The following CNGB3 variants were observed in gnomAD, a reference collection of about 807,000 sequenced individuals.
The protein encoded by CNGB3 is cyclic nucleotide-gated channel beta-3.
Under a neutral mutation model 92.8 loss-of-function variants are expected in CNGB3, and 86 were observed. That is an observed-to-expected ratio of 0.93 (90% CI 0.78 to 1.11). The LOEUF (loss-of-function observed/expected upper bound fraction) is 1.11. Ranked by LOEUF, CNGB3 falls within the 50% of genes least tolerant of loss-of-function variation. CNGB3 has a pLI of 0.00. For missense variants in CNGB3, 1,026 were observed against 956.8 expected, an observed-to-expected ratio of 1.07 and a Z score of -0.95; for synonymous variants, 333 against 332.7, an observed-to-expected ratio of 1.00 and a Z score of -0.01.
intron 13 of CNGB3, among the ~76,000 whole-genome samples, chr8:86,621,012 C>T (rs1822715092): frequency 1.3e-5 from 2 of 152,042 alleles, no homozygotes; most frequent in African/African-American, 2.4e-5. Flanking sequence ...TTATACACAA[C>T]ATTAGCAAGA....
intron 3 of CNGB3, among the ~76,000 whole-genome samples, chr8:86,692,531 T>G (rs1025176524): frequency 6.6e-6 from 1 of 152,220 alleles, no homozygotes; most frequent in African/African-American, 2.4e-5. Flanking sequence ...TTTTGTCTGT[T>G]AGAATAACAG....
intron 4 of CNGB3, among the ~76,000 whole-genome samples, chr8:86,668,492 CA>C (rs992310885): frequency 2.0e-5 from 3 of 151,906 alleles, no homozygotes; most frequent in African/African-American, 7.3e-5. Flanking sequence ...TAAAAAAATC[CA>C]AAAAACTTGA....
At position 86,726,633 on chromosome 8, in the gene CNGB3, G is replaced by A. The variant is rs1312691196; in HGVS notation, c.236C>T (p.Ser79Phe). Residue 79 changes from serine (S) to phenylalanine (F), a missense_variant, in exon 3 of 18, where the codon TCT becomes TTT. Transcript: ENST00000320005. ...GTCAGGGTTTGTGGTCAGATCTCCA[G>A]AGGAATTTTTCTTGGAGAGTTTGTC... ...IQDKLSKKNSSGDLTTNPDPQ... is the reference protein window; with the variant it reads ...IQDKLSKKNSFGDLTTNPDPQ... 6.2e-7 allele frequency: 1 copy of A among 1,613,684 alleles called. No homozygotes were observed. Among genetic ancestry groups the A allele is most frequent in the Admixed American group, 1.7e-5 (1 of 59,994 alleles).
chr8:86,619,712 T>G (rs1440145041), intron 13 of CNGB3, among the ~76,000 whole-genome samples: 1 of 148,264 alleles, frequency 6.7e-6, no homozygotes, highest in Admixed American at 6.9e-5. Flanking sequence ...CGCCAAAGGA[T>G]TGCCTTGGTC....
chr8:86,689,880 A>G (rs1824272575), intron 3 of CNGB3, among the ~76,000 whole-genome samples: 1 of 152,212 alleles, frequency 6.6e-6, no homozygotes, highest in Admixed American at 6.5e-5. Flanking sequence ...TGTCTCTACA[A>G]AGGACATGAA....
At chr8:86,700,921 T>C (rs1824544056) in intron 3 of CNGB3, among the ~76,000 whole-genome samples, 1 of 152,202 alleles carries the variant, frequency 6.6e-6, no homozygotes, top group East Asian at 1.9e-4. Context: ...ATTACAGGCG[T>C]GAGCCACTGT....
intron 14 of CNGB3, 134 bp downstream of exon 14, chr8:86,611,454 G>T: frequency 1.4e-6 from 1 of 716,690 alleles, no homozygotes. Flanking sequence ...GCTGTACAGA[G>T]CTATATATCA....
chr8:86,715,866 C>A (rs1430705908), intron 3 of CNGB3, among the ~76,000 whole-genome samples: 1 of 149,584 alleles, frequency 6.7e-6, no homozygotes, highest in African/African-American at 2.4e-5. Flanking sequence ...AAGAGATATA[C>A]CTAATGCTAA....
chr8:86,589,935 G>A (rs1821989304), intron 15 of CNGB3, among the ~76,000 whole-genome samples: 1 of 150,630 alleles, frequency 6.6e-6, no homozygotes, highest in African/African-American at 2.5e-5. Flanking sequence ...TGTTGACAGT[G>A]GGGTGTTAAA....
chr8:86,677,156 T>A lies in CNGB3; in HGVS notation c.339-6058A>T, dbSNP rs146821848. On this transcript the variant is annotated intron_variant, in intron 3 of 17. Transcript: ENST00000320005. ...TGGAAAAAATTCTCCCTCAGCTCTT[T>A]CAAAAGGACCAACCTTGAATTCAGG... Among the ~76,000 whole-genome samples the A allele has an allele frequency of 9.5e-4, 145 of 152,288 alleles. 2 individuals carry two copies. The East Asian group carries it at 0.025, about 27-fold the overall frequency.
chr8:86,683,854 G>C (rs1360673974), intron 3 of CNGB3, among the ~76,000 whole-genome samples: 2 of 152,126 alleles, frequency 1.3e-5, no homozygotes, highest in Admixed American at 1.3e-4. Flanking sequence ...ATGGATCATG[G>C]ACTTAAGTGG....
chr8:86,603,351 AT>A (rs1226522996), intron 15 of CNGB3, among the ~76,000 whole-genome samples: 2 of 152,264 alleles, frequency 1.3e-5, no homozygotes, highest in East Asian at 3.9e-4. Context: ...CTCCATAAAT[AT>A]TTTTTGGTTG....
rs1821642073 is a variant in CNGB3 at position 86,575,593 on chromosome 8, GA to G, written c.*210del. The G allele has an allele frequency of 2.0e-6, 1 of 503,232 alleles. No individual in the cohort carries two copies. Among genetic ancestry groups the G allele is most frequent in the Admixed American group, 3.7e-5 (1 of 27,194 alleles). 31.2% of individuals were successfully genotyped at this position (503,232 alleles called of 1,614,324 possible). A position where few individuals can be genotyped will look rare whatever the true frequency, so the allele number is the denominator to read the frequency against. On this transcript the variant is annotated 3_prime_UTR_variant, in exon 18 of 18. Transcript: ENST00000320005. The stretch of plus-strand genomic sequence containing the variant: ...GATATAGCAATTGCATAAAGTTAAT[GA>G]AAACGGAGAATAGGGATGGCTTTTA...
chr8:86,659,211 C>T (rs541043527), intron 6 of CNGB3: 18 of 724,294 alleles, frequency 2.5e-5, no homozygotes, highest in South Asian at 9.0e-5. Flanking sequence ...CCTCTGCTAC[C>T]GCATGGCCCT....
intron 8 of CNGB3, among the ~76,000 whole-genome samples, chr8:86,646,579 G>A (rs1304560300): frequency 1.3e-5 from 2 of 151,130 alleles, no homozygotes; most frequent in African/African-American, 4.8e-5. Context: ...AGCAAAGTGT[G>A]TAGCCTCAAG....
intron 2 of CNGB3, among the ~76,000 whole-genome samples, chr8:86,735,354 G>A (rs769535600): frequency 6.6e-6 from 1 of 151,622 alleles, no homozygotes; most frequent in Non-Finnish European, 1.5e-5. Flanking sequence ...GTGTTAGCCA[G>A]GAGAAAAATG....
intron 3 of CNGB3, among the ~76,000 whole-genome samples, chr8:86,725,496 T>C (rs753783197): frequency 1.8e-4 from 28 of 152,210 alleles, no homozygotes; most frequent in Non-Finnish European, 3.7e-4. Flanking sequence ...AAATAATATG[T>C]CAACTTTTAT....
At chr8:86,657,642 G>T (rs1289312374) in intron 6 of CNGB3, 1 of 411,074 alleles carries the variant, frequency 2.4e-6, no homozygotes, top group Non-Finnish European at 4.9e-6. Flanking sequence ...TGGGGCACCT[G>T]GAGCGGGCTA....
intron 3 of CNGB3, among the ~76,000 whole-genome samples, chr8:86,672,814 C>T (rs905791159): frequency 6.6e-6 from 1 of 152,164 alleles, no homozygotes; most frequent in Admixed American, 6.5e-5. Flanking sequence ...ACAATTTATA[C>T]TTCTTTCAAA....
Sources: allele counts gnomAD v4.1 joint callset (sites outside exome capture counted in the v4.1 genomes callset), GRCh38; gene constraint gnomAD v4.1.1; transcripts MANE v1.5; gene names NCBI Gene and HGNC (gene_info 2026-07-23, HGNC 2026-07-21).